DNM3: variants seen among roughly 807,000 people sequenced by gnomAD.
DNM3 encodes dynamin 3.
Under a neutral mutation model 101.6 loss-of-function variants are expected in DNM3, and 47 were observed. That is an observed-to-expected ratio of 0.46 (90% confidence interval 0.37 to 0.59). The LOEUF (loss-of-function observed/expected upper bound fraction) is 0.59, where lower values mean the gene tolerates loss of function less well. DNM3 is among the 20% of genes least tolerant of loss of function. The pLI, the probability that DNM3 is intolerant of heterozygous loss-of-function variation, is 0.00. For synonymous variants in DNM3, 385 were observed against 387.9 expected (o/e 0.99, Z 0.09); for missense variants, 849 against 1,085.7 (o/e 0.78, Z 3.06).
intron 15 of DNM3, among the ~76,000 whole-genome samples, chr1:172,280,423 A>T (rs2063447701): frequency 6.6e-6 from 1 of 152,206 alleles, no homozygotes; most frequent in African/African-American, 2.4e-5. Context: ...AGGGCCTAGA[A>T]CACTGCCTAG....
intron 13 of DNM3, among the ~76,000 whole-genome samples, chr1:172,114,867 G>T (rs1475347603): frequency 1.3e-5 from 2 of 152,020 alleles, no homozygotes; most frequent in African/African-American, 4.8e-5. Context: ...GTGAGGCTAC[G>T]GGCATCTTGA....
At chr1:172,229,085 G>A (rs2061241331) in intron 14 of DNM3, among the ~76,000 whole-genome samples, 1 of 152,066 alleles carries the variant, frequency 6.6e-6, no homozygotes, top group African/African-American at 2.4e-5. Context: ...TTGCTGTAAA[G>A]TATCCAACGA....
chr1:172,413,099 C>G (rs1357858496), downstream of DNM3, among the ~76,000 whole-genome samples: 1 of 152,136 alleles, frequency 6.6e-6, no homozygotes, highest in East Asian at 1.9e-4. Context: ...ATGGTGTGCC[C>G]AAATGTTAGG....
intron 14 of DNM3, among the ~76,000 whole-genome samples, chr1:172,204,456 T>G (rs988942714): frequency 2.0e-5 from 3 of 152,096 alleles, no homozygotes; most frequent in African/African-American, 4.8e-5. Context: ...TCTGTTCCCC[T>G]CTTGAGCATC....
At chr1:171,871,494 A>G (rs764038158) in intron 1 of DNM3, among the ~76,000 whole-genome samples, 4 of 152,192 alleles carry the variant, frequency 2.6e-5, no homozygotes, top group Non-Finnish European at 5.9e-5. Flanking sequence ...AAAATCATGT[A>G]GGATGTGGGA....
At chr1:172,299,183 G>A (rs925426908) in intron 15 of DNM3, among the ~76,000 whole-genome samples, 2 of 152,164 alleles carry the variant, frequency 1.3e-5, no homozygotes, top group African/African-American at 2.4e-5. Context: ...TCTGACACAC[G>A]AGGAACTAAA....
intron 1 of DNM3, among the ~76,000 whole-genome samples, chr1:171,867,310 G>A (rs754948574): frequency 7.9e-5 from 12 of 152,186 alleles, no homozygotes; most frequent in Non-Finnish European, 1.5e-4. Flanking sequence ...AGTAGTTGAG[G>A]AATACTGTGC....
chr1:172,189,862 T>C (rs1168772358), intron 14 of DNM3, among the ~76,000 whole-genome samples: 1 of 151,844 alleles, frequency 6.6e-6, no homozygotes, highest in Non-Finnish European at 1.5e-5. Context: ...GGTCCAAGAC[T>C]CCTTTAAACA....
intron 2 of DNM3, among the ~76,000 whole-genome samples, chr1:171,929,814 G>T (rs1226881751): frequency 6.6e-6 from 1 of 152,192 alleles, no homozygotes; most frequent in East Asian, 1.9e-4. Context: ...ACAGCATTGG[G>T]GATCCTCTTA....
At chr1:172,162,275 G>T (rs1352380181) in intron 14 of DNM3, among the ~76,000 whole-genome samples, 1 of 151,424 alleles carries the variant, frequency 6.6e-6, no homozygotes, top group Non-Finnish European at 1.5e-5. Flanking sequence ...TGACGTATCT[G>T]TTGCTTTTGC....
chr1:171,941,997 G>A (rs1295860030), intron 2 of DNM3, among the ~76,000 whole-genome samples: 1 of 152,020 alleles, frequency 6.6e-6, no homozygotes, highest in Non-Finnish European at 1.5e-5. Context: ...TTATATTGGA[G>A]GGTGACTTCT....
chr1:172,392,344 T>C (rs1253116384), intron 20 of DNM3, among the ~76,000 whole-genome samples: 1 of 152,214 alleles, frequency 6.6e-6, no homozygotes, highest in Non-Finnish European at 1.5e-5. Context: ...ATTGCCAGAA[T>C]ATCTGGATTG....
At chr1:172,125,868 C>G (rs772060779) in intron 13 of DNM3, among the ~76,000 whole-genome samples, 23 of 152,074 alleles carry the variant, frequency 1.5e-4, no homozygotes, top group Non-Finnish European at 7.4e-5. Context: ...TATATTTTCT[C>G]TTTCTCTGTG....
chr1:172,266,958 A>G (rs1241828641), intron 15 of DNM3, among the ~76,000 whole-genome samples: 1 of 152,194 alleles, frequency 6.6e-6, no homozygotes, highest in South Asian at 2.1e-4. Context: ...TATGAGACCA[A>G]TTGACACCTG....
chr1:172,367,983 G>A (rs894687619), intron 17 of DNM3, among the ~76,000 whole-genome samples: 25 of 151,694 alleles, frequency 1.6e-4, no homozygotes, highest in African/African-American at 5.8e-4. Flanking sequence ...CCTTTGCTTG[G>A]CTCTCATTCT....
intron 7 of DNM3, 40 bp downstream of exon 7, chr1:172,038,501 T>C: frequency 6.3e-7 from 1 of 1,598,962 alleles, no homozygotes; most frequent in Non-Finnish European, 8.5e-7. Flanking sequence ...CATTTTAATC[T>C]AATTTCTTTA....
At position 171,921,759 on chromosome 1, in the gene DNM3, C is replaced by G; in HGVS notation, c.173C>G (p.Pro58Arg). 1 of 1,592,832 alleles carries G rather than the reference C, an allele frequency of 6.3e-7. No individual in the cohort carries two copies. The highest frequency in any genetic ancestry group is 8.6e-7 in the Non-Finnish European group (1 of 1,168,336). ...CTTACTTTTTTTAGGGACTTTCTCC[C>G]TCGAGGGTCGGGCATTGTAACAAGA... The part of the protein sequence containing the change: ...LENFVGRDFL[P>R]RGSGIVTRRP... Residue 58 changes from proline to arginine, a missense_variant, in exon 2 of 21, where the codon CCT (proline) becomes CGT (arginine). By Grantham distance (103) the Pro-to-Arg change is moderately radical. This residue lies in a region of DNM3 where 388 missense variants were observed against 483.0 expected (regional missense o/e 0.80). Transcript: ENST00000627582.
intron 15 of DNM3, among the ~76,000 whole-genome samples, chr1:172,277,567 C>A (rs1260360970): frequency 1.3e-5 from 2 of 151,908 alleles, no homozygotes; most frequent in Admixed American, 1.3e-4. Flanking sequence ...AAACACACTA[C>A]TGATGTACAA....
intron 10 of DNM3, among the ~76,000 whole-genome samples, chr1:172,064,631 T>A (rs1469076577): frequency 6.6e-6 from 1 of 152,122 alleles, no homozygotes; most frequent in African/African-American, 2.4e-5. Context: ...TATGTATGTA[T>A]CTTAAGAATT....
Sources: allele counts gnomAD v4.1 joint callset (sites outside exome capture counted in the v4.1 genomes callset), GRCh38; gene constraint gnomAD v4.1.1; regional missense constraint gnomAD v4.1.1; transcripts MANE v1.5; gene names NCBI Gene and HGNC (gene_info 2026-07-23, HGNC 2026-07-21).